Variants in PKHD1L1 observed in about 807,000 individuals in gnomAD.
PKHD1L1 encodes fibrocystin-L.
Under a neutral mutation model 462.9 loss-of-function variants are expected in PKHD1L1, and 434 were observed. That is an observed-to-expected ratio of 0.94 (90% CI 0.87 to 1.02). The LOEUF is 1.02. Among genes scored for constraint, PKHD1L1 ranks in the 50% least tolerant of loss-of-function variants. The pLI is 0.00. For missense variants in PKHD1L1, 5,202 were observed against 5,096.1 expected (o/e 1.02, Z -0.63); for synonymous variants, 1,781 against 1,750.0 (o/e 1.02, Z -0.44).
chr8:109,490,882 G>A, intron 60 of PKHD1L1, 90 bp from the exon 61 acceptor site: 3 of 1,188,518 alleles, frequency 2.5e-6, no homozygotes, highest in Non-Finnish European at 3.4e-6. Context: ...ATTGATAAAG[G>A]TTTGTTTACT....
intron 20 of PKHD1L1, 52 bp from the exon 21 acceptor site, chr8:109,413,369 A>G (rs1488713068): frequency 1.6e-6 from 2 of 1,225,572 alleles, no homozygotes; most frequent in Non-Finnish European, 2.2e-6. Flanking sequence ...ATTGTTGTGA[A>G]ACAATGTAAT....
chr8:109,527,051 C>A, intron 77 of PKHD1L1, 31 bp downstream of exon 77: 1 of 1,533,230 alleles, frequency 6.5e-7, no homozygotes, highest in South Asian at 1.2e-5. Flanking sequence ...CATTATTTCT[C>A]CACATGTTGA....
rs532209864 is a variant in PKHD1L1 at position 109,481,532 on chromosome 8, G to T, written c.9427G>T (p.Glu3143Ter). ...TACTACACAAGACTGGGCTCTTCCA[G>T]AAGGACCAAATCAAGGGGCAAAGGT... The part of the protein sequence containing the change: ...NHTTQDWALP[E>*]GPNQGAKVLG... Residue 3143 changes from glutamate (E) to a stop codon, truncating the protein, a stop_gained, in exon 56 of 78, where the codon GAA becomes TAA. Coordinates refer to ENST00000378402, the MANE Select transcript of PKHD1L1 (RefSeq NM_177531.6). LOFTEE classifies it high-confidence loss of function. 1.3e-6 allele frequency: 2 copies of T among 1,596,252 alleles called. No homozygotes were observed. Among genetic ancestry groups the T allele is most frequent in the South Asian group, 2.3e-5 (2 of 87,836 alleles).
chr8:109,376,475 C>T (rs377070441), intron 2 of PKHD1L1, among the ~76,000 whole-genome samples: 35 of 152,308 alleles, frequency 2.3e-4, no homozygotes, highest in African/African-American at 7.0e-4. Flanking sequence ...CGCCCTGCTT[C>T]GGCTCACTCA....
At position 109,522,834 on chromosome 8, in the gene PKHD1L1, G is replaced by C. The variant is rs1820620586; in HGVS notation, c.12274G>C (p.Ala4092Pro). The change falls in exon 75 of 78, where the codon GCA becomes CCA. Residue 4092 changes from alanine to proline, a missense_variant. Transcript: ENST00000378402. ...CTTAGTGATCACTCAGCCGGTGGCA[G>C]CACAGCCAGGACAGCCATTTCCTCA... ...SLLVITQPVA[A>P]QPGQPFPQQP... is the part of the protein sequence containing the mutation. The C allele has an allele frequency of 1.2e-6, 2 of 1,611,910 alleles. No individual in the cohort carries two copies. Among genetic ancestry groups the C allele is most frequent in the African/African-American group, 2.7e-5 (2 of 74,980 alleles).
At chr8:109,381,666 A>T (rs1812123769) in intron 3 of PKHD1L1, among the ~76,000 whole-genome samples, 152 bp downstream of exon 3, 3 of 152,136 alleles carry the variant, frequency 2.0e-5, no homozygotes, top group Admixed American at 2.0e-4. Flanking sequence ...TGATGTTTAG[A>T]CTATTTTATG....
At chr8:109,425,295 T>A in intron 24 of PKHD1L1, 63 bp downstream of exon 24, 1 of 1,275,960 alleles carries the variant, frequency 7.8e-7, no homozygotes, top group Non-Finnish European at 1.0e-6. Context: ...CCTTATAAAG[T>A]GTTAAATTTT....
chr8:109,505,455 A>G (rs888543729), intron 68 of PKHD1L1, among the ~76,000 whole-genome samples: 15 of 152,214 alleles, frequency 9.9e-5, no homozygotes, highest in African/African-American at 3.6e-4. Flanking sequence ...TAAGCCGTAG[A>G]ATAATATATC....
chr8:109,444,094 T>C (rs752276564), intron 37 of PKHD1L1, among the ~76,000 whole-genome samples, 192 bp downstream of exon 37: 2 of 145,268 alleles, frequency 1.4e-5, no homozygotes, highest in Non-Finnish European at 3.0e-5. Context: ...ACACAATCAA[T>C]TTTAGAACAT....
chr8:109,413,643 G>A, intron 21 of PKHD1L1, 98 bp downstream of exon 21: 2 of 1,092,562 alleles, frequency 1.8e-6, no homozygotes, highest in Non-Finnish European at 2.4e-6. Context: ...GTTTTGGTCT[G>A]TTTGGGGAGA....
intron 2 of PKHD1L1, 123 bp from the exon 3 acceptor site, chr8:109,381,247 A>C: frequency 2.4e-6 from 2 of 832,026 alleles, no homozygotes; most frequent in Non-Finnish European, 1.9e-6. Context: ...AATATGAAAT[A>C]GGTTCACTGC....
intron 16 of PKHD1L1, among the ~76,000 whole-genome samples, chr8:109,405,975 T>C (rs1358135469): frequency 6.6e-6 from 1 of 152,184 alleles, no homozygotes; most frequent in Non-Finnish European, 1.5e-5. Context: ...ATAAACAACA[T>C]TGCATTTCTA....
In PKHD1L1 at chr8:109,476,653, C is replaced by T; in HGVS notation, c.8903C>T (p.Thr2968Ile). 1 of 1,595,956 alleles carries T rather than the reference C, an allele frequency of 6.3e-7. No homozygotes were observed. Among genetic ancestry groups the T allele is most frequent in the South Asian group, 1.1e-5 (1 of 87,652 alleles). Residue 2968 changes from threonine to isoleucine, a missense_variant, in exon 52 of 78, where the codon ACT (threonine) becomes ATT (isoleucine). Around this residue, in one of 3 missense-constraint regions of PKHD1L1, gnomAD observed 4,497 missense variants for 4,336.8 expected, o/e 1.04. Transcript: ENST00000378402. The stretch of plus-strand genomic sequence containing the variant: ...TGGCACCTTGAAGCAAACACTAGTA[C>T]TCTATATTACTTGGGTATGTGTCAT... The part of the protein sequence containing the change: ...GDWHLEANTS[T>I]LYYLVSGRND...
rs1388092050 is a variant in PKHD1L1 at position 109,396,011 on chromosome 8, T to C, written c.812-16T>C. 6.6e-7 allele frequency: 1 copy of C among 1,519,810 alleles called. No individual in the cohort carries two copies. Among genetic ancestry groups the C allele is most frequent in the Admixed American group, 1.8e-5 (1 of 54,118 alleles). The allele number at this position is 1,519,810 out of a possible 1,614,324, so 94.1% of individuals were successfully genotyped here. A position where few individuals can be genotyped will look rare whatever the true frequency, so the allele number is the denominator to read the frequency against. Reference sequence around the variant, plus strand: ...GTAATATTTATGATATTTTATTTAATGTGGTTTTCCCCCAGAGGTCACCAT... The same window carrying C: ...GTAATATTTATGATATTTTATTTAACGTGGTTTTCCCCCAGAGGTCACCAT... On this transcript the variant is annotated splice_polypyrimidine_tract_variant and intron_variant, in intron 10 of 77. Coordinates refer to ENST00000378402, the MANE Select transcript of PKHD1L1 (RefSeq NM_177531.6).
chr8:109,423,947 T>A (rs1024733442), intron 23 of PKHD1L1, among the ~76,000 whole-genome samples: 4 of 152,226 alleles, frequency 2.6e-5, no homozygotes, highest in African/African-American at 9.6e-5. Context: ...GATTTCCACA[T>A]GCTCGTTATT....
chr8:109,415,040 G>A (rs535754860), intron 21 of PKHD1L1, among the ~76,000 whole-genome samples: 9 of 150,874 alleles, frequency 6.0e-5, no homozygotes, highest in South Asian at 4.2e-4. Flanking sequence ...TTCTGTCACC[G>A]TGGCTGGAGT....
chr8:109,532,033 CT>C lies in PKHD1L1; in HGVS notation c.*1944del, dbSNP rs1821052627. ...TGGAACAAATTCCTACATTTGGGTT[CT>C]GGAAGAGATACAAAAATATTCTTCA... On this transcript the variant is annotated 3_prime_UTR_variant, in exon 78 of 78. Transcript: ENST00000378402. 6.6e-6 allele frequency among the ~76,000 whole-genome samples: 1 copy of C among 152,194 alleles called. No homozygotes were observed. Among genetic ancestry groups the C allele is most frequent in the South Asian group, 2.1e-4 (1 of 4,834 alleles).
chr8:109,446,442 T>G (rs1352626362), intron 38 of PKHD1L1, among the ~76,000 whole-genome samples: 2 of 152,216 alleles, frequency 1.3e-5, no homozygotes, highest in African/African-American at 4.8e-5. Flanking sequence ...TTAAAGAAGT[T>G]TATTCATATA....
chr8:109,408,155 T>C lies in PKHD1L1; in HGVS notation c.1920T>C (p.Asn640=), dbSNP rs13254245. Residue 640 remains asparagine (N), a synonymous_variant, in exon 18 of 78, where the codon AAT becomes AAC. Coordinates refer to ENST00000378402, the MANE Select transcript of PKHD1L1 (RefSeq NM_177531.6). ...CCAACTTGGAGACATTCACACTGAATTGGGATGGGATCGCTTCTAAGCCAC... is the reference window on the plus strand; with the variant it reads ...CCAACTTGGAGACATTCACACTGAACTGGGATGGGATCGCTTCTAAGCCAC... ...GKPNLETFTL[N]WDGIASKPLT... is the part of the protein sequence containing the mutation. 0.32 allele frequency: 521,444 copies of C among 1,610,626 alleles called. 87,798 individuals carry two copies. Among genetic ancestry groups the C allele is most frequent in the Admixed American group, 0.5 (30,042 of 59,876 alleles).
Sources: gnomAD v4.1 joint callset for allele counts (sites outside exome capture counted in the v4.1 genomes callset) on GRCh38, gnomAD v4.1.1 for gene constraint, gnomAD v4.1.1 regional missense constraint, MANE v1.5 for transcripts, NCBI Gene and HGNC (gene_info 2026-07-23, HGNC 2026-07-21) for gene names.